The following SPEF2 variants were observed in gnomAD, a reference collection of about 807,000 sequenced individuals.
SPEF2 encodes the protein sperm flagella and cilia-associated protein 2.
A neutral mutation model predicts 224.6 loss-of-function variants in SPEF2; 187 were observed. The observed-to-expected ratio is 0.83, with a 90% CI of 0.74 to 0.94. The LOEUF is 0.94. Among genes scored for constraint, SPEF2 ranks in the 40% least tolerant of loss-of-function variants. SPEF2 has a pLI of 0.00. For missense variants in SPEF2, 2,170 were observed against 2,135.6 expected (o/e 1.02, Z -0.32); for synonymous variants, 715 against 707.3 (o/e 1.01, Z -0.17).
chr5:35,683,060 A>G (rs1470708483), intron 10 of SPEF2, among the ~76,000 whole-genome samples: 1 of 152,200 alleles, frequency 6.6e-6, no homozygotes, highest in Non-Finnish European at 1.5e-5. Flanking sequence ...ATGATTCATA[A>G]CAAGGAGACC....
intron 30 of SPEF2, 57 bp from the exon 31 acceptor site, chr5:35,792,283 A>C (rs1008762865): frequency 1.4e-6 from 2 of 1,381,288 alleles, no homozygotes; most frequent in Non-Finnish European, 2.0e-6. Flanking sequence ...TTTTAGCAAA[A>C]GAAGAGAAAA....
chr5:35,797,338 GTGTGT>G (rs1756815953), intron 33 of SPEF2, among the ~76,000 whole-genome samples: 1 of 151,832 alleles, frequency 6.6e-6, no homozygotes, highest in African/African-American at 2.4e-5. Flanking sequence ...GTGTGTGTGT[GTGTGT>G]GTGTGTGTGT....
At chr5:35,794,099 A>T (rs778134895) in intron 32 of SPEF2, among the ~76,000 whole-genome samples, 1 of 152,230 alleles carries the variant, frequency 6.6e-6, no homozygotes, top group Admixed American at 6.5e-5. Context: ...AGGGTTGAGG[A>T]CATGAATGGG....
At chr5:35,693,016 T>C (rs1413290991) in intron 12 of SPEF2, among the ~76,000 whole-genome samples, 3 of 152,160 alleles carry the variant, frequency 2.0e-5, no homozygotes, top group Non-Finnish European at 4.4e-5. Context: ...TGGGCCCCCT[T>C]TGGGTCTAGT....
intron 1 of SPEF2, among the ~76,000 whole-genome samples, chr5:35,620,162 T>C (rs1743307146): frequency 6.6e-6 from 1 of 152,190 alleles, no homozygotes; most frequent in African/African-American, 2.4e-5. Context: ...AAGCTAGGAT[T>C]TGTGCACTCA....
chr5:35,693,863 T>C (rs1754888980), intron 12 of SPEF2, among the ~76,000 whole-genome samples: 1 of 152,240 alleles, frequency 6.6e-6, no homozygotes, highest in Admixed American at 6.5e-5. Flanking sequence ...CATGTTGTAA[T>C]ATCTTTATAT....
At chr5:35,681,144 T>C (rs1490309842) in intron 10 of SPEF2, among the ~76,000 whole-genome samples, 1 of 152,220 alleles carries the variant, frequency 6.6e-6, no homozygotes, top group Non-Finnish European at 1.5e-5. Flanking sequence ...CCTAAAGTTT[T>C]CTTGCATTTT....
chr5:35,618,209 C>G (rs536141981), intron 1 of SPEF2, among the ~76,000 whole-genome samples, 154 bp downstream of exon 1: 1 of 152,284 alleles, frequency 6.6e-6, no homozygotes, highest in African/African-American at 2.4e-5. Flanking sequence ...GTGAGCAACT[C>G]GGCTCGGCGG....
chr5:35,741,301 C>T (rs1386499710), intron 23 of SPEF2, among the ~76,000 whole-genome samples: 4 of 152,128 alleles, frequency 2.6e-5, no homozygotes, highest in Non-Finnish European at 5.9e-5. Context: ...ACTGAGAAGG[C>T]GACATTTGAA....
chr5:35,766,301 C>T (rs1369063717), intron 26 of SPEF2, among the ~76,000 whole-genome samples: 2 of 152,146 alleles, frequency 1.3e-5, no homozygotes, highest in South Asian at 4.1e-4. Flanking sequence ...CTGTTGCCCT[C>T]CTCCCACCCA....
At chr5:35,704,832 C>T (rs985730430) in intron 17 of SPEF2, among the ~76,000 whole-genome samples, 170 bp downstream of exon 17, 2 of 151,946 alleles carry the variant, frequency 1.3e-5, no homozygotes, top group Non-Finnish European at 2.9e-5. Context: ...TATGTGCTAG[C>T]TTTCATATTT....
chr5:35,764,339 C>G (rs955621468), intron 26 of SPEF2, among the ~76,000 whole-genome samples: 2 of 151,820 alleles, frequency 1.3e-5, no homozygotes, highest in Admixed American at 6.6e-5. Context: ...AAGAAACTTG[C>G]CCAAGTTCTC....
intron 13 of SPEF2, among the ~76,000 whole-genome samples, chr5:35,694,583 C>A (rs192504999): frequency 6.6e-6 from 1 of 152,166 alleles, no homozygotes; most frequent in East Asian, 1.9e-4. Flanking sequence ...CAGCCTCCTT[C>A]GAATAGTTGA....
At chr5:35,735,018 C>T (rs1382705600) in intron 21 of SPEF2, among the ~76,000 whole-genome samples, 1 of 152,026 alleles carries the variant, frequency 6.6e-6, no homozygotes. Context: ...CCATGAATTG[C>T]TTTTTTATTG....
At chr5:35,702,277 C>G (rs1361055807) in intron 16 of SPEF2, 1 of 456,040 alleles carries the variant, frequency 2.2e-6, no homozygotes, top group African/African-American at 2.0e-5. Flanking sequence ...ACACTACATC[C>G]AAAGCCACGT....
chr5:35,709,904 T>G, intron 19 of SPEF2: 1 of 985,408 alleles, frequency 1.0e-6, no homozygotes, highest in Non-Finnish European at 1.2e-6. Context: ...TTACACCATG[T>G]CTACCTAAGT....
Position 35,750,996 on chromosome 5 carries a change from T to TAC in SPEF2, c.3331-2628_3331-2627insAC, listed in dbSNP as rs57659843. On this transcript the variant is annotated intron_variant, in intron 23 of 36. Coordinates refer to ENST00000356031, the MANE Select transcript of SPEF2 (RefSeq NM_024867.4). ...AAAGAAACTGTGCTATATATATATA[T>TAC]GTATATATATATATACGTATATATA... Among the ~76,000 whole-genome samples the TAC allele has an allele frequency of 8.1e-3, 919 of 113,930 alleles. 12 individuals carry two copies. Among genetic ancestry groups the TAC allele is most frequent in the Non-Finnish European group, 0.012 (694 of 56,512 alleles). 74.7% of individuals were successfully genotyped at this position (113,930 alleles called of 152,430 possible).
intron 30 of SPEF2, among the ~76,000 whole-genome samples, chr5:35,785,497 TTTTTAA>T (rs557430820): frequency 7.9e-5 from 12 of 152,140 alleles, no homozygotes; most frequent in Non-Finnish European, 1.0e-4. Flanking sequence ...AAATTAAATT[TTTTTAA>T]TTTTAATTTT....
chr5:35,796,130 A>G (rs542812999), intron 33 of SPEF2, among the ~76,000 whole-genome samples: 1 of 152,364 alleles, frequency 6.6e-6, no homozygotes, highest in Non-Finnish European at 1.5e-5. Context: ...CTAAAAGCTT[A>G]GGATAAAATT....
Sources: gnomAD v4.1 joint callset for allele counts (sites outside exome capture counted in the v4.1 genomes callset) on GRCh38, gnomAD v4.1.1 for gene constraint, MANE v1.5 for transcripts, NCBI Gene and HGNC (gene_info 2026-07-23, HGNC 2026-07-21) for gene names.